GALNT13: variants seen among roughly 807,000 people sequenced by gnomAD.
GALNT13 encodes the protein polypeptide N-acetylgalactosaminyltransferase 13, also known as UDP-GalNAc:polypeptide N-acetylgalactosaminyltransferase 13.
Under a neutral mutation model 64.2 loss-of-function variants are expected in GALNT13, and 28 were observed. The observed-to-expected ratio is 0.44, with a 90% confidence interval of 0.32 to 0.60. The LOEUF (loss-of-function observed/expected upper bound fraction) is 0.60. Ranked by LOEUF, GALNT13 falls within the 20% of genes least tolerant of loss-of-function variation. The pLI is 0.05. For missense variants in GALNT13, 577 were observed against 669.8 expected, an observed-to-expected ratio of 0.86 and a Z score of 1.53; for synonymous variants, 214 against 224.6, an observed-to-expected ratio of 0.95 and a Z score of 0.42.
At chr2:153,442,221 T>G in the GALNT13 span, among the ~76,000 whole-genome samples, 78 of 152,312 alleles carry the variant, frequency 5.1e-4, no homozygotes, top group Middle Eastern at 6.8e-3. Context: ...GTTTTTGTCA[T>G]TGGTTCTGTT....
At chr2:154,329,061 T>G (rs1695028028) in intron 9 of GALNT13, among the ~76,000 whole-genome samples, 1 of 152,140 alleles carries the variant, frequency 6.6e-6, no homozygotes, top group South Asian at 2.1e-4. Context: ...TGTTGGCTTA[T>G]AGATGTTGAA....
chr2:153,733,912 T>C, the GALNT13 span, among the ~76,000 whole-genome samples: 1 of 152,198 alleles, frequency 6.6e-6, no homozygotes. Context: ...GCAACAGTGT[T>C]CTTTCAGATT....
At chr2:154,226,615 C>T (rs972547760) in intron 4 of GALNT13, among the ~76,000 whole-genome samples, 4 of 151,958 alleles carry the variant, frequency 2.6e-5, no homozygotes, top group African/African-American at 4.8e-5. Flanking sequence ...TTAAACCTTG[C>T]GATTACTATT....
At chr2:153,104,544 A>G in the GALNT13 span, among the ~76,000 whole-genome samples, 1 of 152,138 alleles carries the variant, frequency 6.6e-6, no homozygotes, top group Non-Finnish European at 1.5e-5. Flanking sequence ...TTTGTTGTAC[A>G]TGTTTGGACT....
the GALNT13 span, among the ~76,000 whole-genome samples, chr2:153,086,374 C>T: frequency 2.0e-5 from 3 of 152,124 alleles, no homozygotes; most frequent in East Asian, 5.8e-4. Context: ...TATGTCCCCA[C>T]CCAAATCTCA....
chr2:154,054,268 T>C (rs1373089561), intron 3 of GALNT13, among the ~76,000 whole-genome samples: 1 of 152,072 alleles, frequency 6.6e-6, no homozygotes, highest in Non-Finnish European at 1.5e-5. Flanking sequence ...CCCTGCAGAA[T>C]GTTTTGTATG....
the GALNT13 span, among the ~76,000 whole-genome samples, chr2:153,539,694 G>T: frequency 6.6e-6 from 1 of 151,306 alleles, no homozygotes; most frequent in African/African-American, 2.5e-5. Context: ...TCAAAGATCA[G>T]ATAGTTGTAG....
intron 3 of GALNT13, among the ~76,000 whole-genome samples, chr2:153,946,115 T>G (rs1363144767): frequency 6.6e-6 from 1 of 152,156 alleles, no homozygotes; most frequent in Non-Finnish European, 1.5e-5. Flanking sequence ...TCAGAATCAG[T>G]TGAGTTGCTG....
At chr2:154,052,658 G>A (rs1256289667) in intron 3 of GALNT13, among the ~76,000 whole-genome samples, 1 of 151,664 alleles carries the variant, frequency 6.6e-6, no homozygotes, top group Non-Finnish European at 1.5e-5. Flanking sequence ...AATACATGTT[G>A]GTGTGCTGTG....
intron 4 of GALNT13, among the ~76,000 whole-genome samples, chr2:154,210,950 A>G (rs904270996): frequency 1.3e-5 from 2 of 152,122 alleles, no homozygotes; most frequent in Admixed American, 1.3e-4. Flanking sequence ...GAATGTATGT[A>G]TTATTATTAG....
At chr2:153,075,465 C>T in the GALNT13 span, among the ~76,000 whole-genome samples, 1 of 152,078 alleles carries the variant, frequency 6.6e-6, no homozygotes, top group Admixed American at 6.6e-5. Context: ...AGAATAATAT[C>T]AACACTATGA....
upstream of GALNT13, among the ~76,000 whole-genome samples, chr2:153,868,327 G>C (rs1249822070): frequency 1.3e-5 from 2 of 152,120 alleles, no homozygotes; most frequent in African/African-American, 2.4e-5. Context: ...GAGGTAAGCA[G>C]AGCCCCAGAG....
At chr2:153,699,111 A>G in the GALNT13 span, among the ~76,000 whole-genome samples, 2 of 152,110 alleles carry the variant, frequency 1.3e-5, no homozygotes, top group African/African-American at 4.8e-5. Context: ...GTTCACAGCT[A>G]CTCGGGAGGC....
chr2:153,273,073 G>A, the GALNT13 span, among the ~76,000 whole-genome samples: 1 of 152,106 alleles, frequency 6.6e-6, no homozygotes, highest in Non-Finnish European at 1.5e-5. Flanking sequence ...TAAAGGAGTT[G>A]AACAATGAGA....
intron 11 of GALNT13, among the ~76,000 whole-genome samples, chr2:154,433,895 C>A (rs189326992): frequency 2.2e-3 from 333 of 152,276 alleles, no homozygotes; most frequent in Non-Finnish European, 3.3e-3. Context: ...GAAGTCTTAA[C>A]CCCCAGTTCC....
chr2:153,889,438 CACACTCTAAA>C (rs1355800903), intron 1 of GALNT13, among the ~76,000 whole-genome samples: 1 of 152,004 alleles, frequency 6.6e-6, no homozygotes, highest in African/African-American at 2.4e-5. Flanking sequence ...CCCACACTAA[CACACTCTAAA>C]ACTACTACAT....
chr2:153,321,550 T>C, the GALNT13 span, among the ~76,000 whole-genome samples: 1 of 152,146 alleles, frequency 6.6e-6, no homozygotes, highest in African/African-American at 2.4e-5. Flanking sequence ...ACCAATCCCA[T>C]TCCATAAAAA....
At chr2:154,056,877 A>T (rs1432231776) in intron 3 of GALNT13, among the ~76,000 whole-genome samples, 1 of 151,884 alleles carries the variant, frequency 6.6e-6, no homozygotes, top group Non-Finnish European at 1.5e-5. Context: ...AGAATAATAT[A>T]AATTAATTTA....
At chr2:153,427,722 C>A in the GALNT13 span, among the ~76,000 whole-genome samples, 1 of 152,124 alleles carries the variant, frequency 6.6e-6, no homozygotes, top group Non-Finnish European at 1.5e-5. Context: ...TATACACCAG[C>A]ACATTCATAT....
Sources: allele counts gnomAD v4.1 joint callset (sites outside exome capture counted in the v4.1 genomes callset), GRCh38; gene constraint gnomAD v4.1.1; transcripts MANE v1.5; gene names NCBI Gene and HGNC (gene_info 2026-07-23, HGNC 2026-07-21).